Variants in TMEM266 observed in about 807,000 individuals in gnomAD.
TMEM266 encodes transmembrane protein 266.
A neutral mutation model predicts 50.5 loss-of-function variants in TMEM266; 33 were observed. That is an observed-to-expected ratio of 0.65 (90% CI 0.50 to 0.87). The LOEUF (loss-of-function observed/expected upper bound fraction) is 0.87, where lower values mean the gene tolerates loss of function less well. TMEM266 is among the 40% of genes least tolerant of loss of function. The pLI is 0.00. For missense variants in TMEM266, 655 were observed against 695.1 expected, an observed-to-expected ratio of 0.94 and a Z score of 0.65; for synonymous variants, 310 against 292.3, an observed-to-expected ratio of 1.06 and a Z score of -0.62.
intron 1 of TMEM266, among the ~76,000 whole-genome samples, chr15:76,086,634 T>C (rs571961134): frequency 6.6e-6 from 1 of 152,312 alleles, no homozygotes; most frequent in Non-Finnish European, 1.5e-5. Flanking sequence ...CTCTAGAGGT[T>C]TCCTATTGGT....
At chr15:76,174,810 C>A (rs2142063936) in intron 7 of TMEM266, 1 of 152,404 alleles carries the variant, frequency 6.6e-6, no homozygotes, top group Non-Finnish European at 1.5e-5. Context: ...GATTTAGCAT[C>A]ATGTGTTTGA....
At chr15:76,134,972 C>T (rs1192976743) in intron 2 of TMEM266, among the ~76,000 whole-genome samples, 2 of 152,220 alleles carry the variant, frequency 1.3e-5, no homozygotes, top group East Asian at 1.9e-4. Context: ...CTCTGCTCCA[C>T]GTCTCTCATC....
chr15:76,201,634 A>G (rs1218185093), intron 9 of TMEM266, among the ~76,000 whole-genome samples: 1 of 151,976 alleles, frequency 6.6e-6, no homozygotes, highest in East Asian at 1.9e-4. Flanking sequence ...CTGAGTACCT[A>G]CTGTGTGCAG....
chr15:76,084,596 T>TTG (rs2036744037), intron 1 of TMEM266, among the ~76,000 whole-genome samples: 1 of 147,826 alleles, frequency 6.8e-6, no homozygotes, highest in East Asian at 1.9e-4. Flanking sequence ...GGGTTTTTTT[T>TTG]GGTTTTTTTT....
chr15:76,182,764 G>A (rs1173267898), intron 8 of TMEM266, among the ~76,000 whole-genome samples: 1 of 152,188 alleles, frequency 6.6e-6, no homozygotes, highest in African/African-American at 2.4e-5. Flanking sequence ...AAGTTGGCAG[G>A]CTGGGTACTA....
At chr15:76,157,739 C>T (rs1255266355) in intron 4 of TMEM266, among the ~76,000 whole-genome samples, 1 of 152,206 alleles carries the variant, frequency 6.6e-6, no homozygotes, top group Non-Finnish European at 1.5e-5. Flanking sequence ...CCTGTAATCT[C>T]ATTTGGGGAG....
At chr15:76,135,313 C>T (rs986547426) in intron 2 of TMEM266, among the ~76,000 whole-genome samples, 1 of 152,176 alleles carries the variant, frequency 6.6e-6, no homozygotes, top group Non-Finnish European at 1.5e-5. Flanking sequence ...ACTGTGGGAC[C>T]TTCACCTCAC....
chr15:76,172,040 G>A (rs901795919), intron 7 of TMEM266, among the ~76,000 whole-genome samples: 1 of 152,154 alleles, frequency 6.6e-6, no homozygotes, highest in African/African-American at 2.4e-5. Context: ...AGGACAGGAC[G>A]AAGAGGCCCA....
chr15:76,168,831 AAGG>A lies in TMEM266; in HGVS notation c.457-981_457-979del, dbSNP rs2038139703. 6.6e-6 allele frequency among the ~76,000 whole-genome samples: 1 copy of A among 152,200 alleles called. No homozygotes were observed. Among genetic ancestry groups the A allele is most frequent in the Non-Finnish European group, 1.5e-5 (1 of 68,020 alleles). The stretch of plus-strand genomic sequence containing the variant: ...CCCAGAAACCATAGGAACACCCAGG[AAGG>A]AGGCACCAGCTGAGCCGGGGAGTGT... On this transcript the variant is annotated intron_variant, in intron 5 of 10. Coordinates refer to ENST00000388942, the MANE Select transcript of TMEM266 (RefSeq NM_152335.3). The surrounding 1 kb of genome is among the most constrained non-coding windows in gnomAD (Gnocchi z 4.4).
At chr15:76,106,164 G>A (rs1456271348) in intron 1 of TMEM266, among the ~76,000 whole-genome samples, 2 of 151,956 alleles carry the variant, frequency 1.3e-5, no homozygotes, top group East Asian at 3.9e-4. Flanking sequence ...CCCAGCCCCT[G>A]CAAAGAATAA....
At position 76,171,145 on chromosome 15, in the gene TMEM266, G is replaced by A. The variant is rs1229519440; in HGVS notation, c.652+14G>A. On this transcript the variant is annotated intron_variant, in intron 7 of 10. Transcript: ENST00000388942. The stretch of plus-strand genomic sequence containing the variant: ...GGGTCATTGATGGTGAGTGGCCCGA[G>A]GGGGGTGTGGTCAGTGGGGCTGCTC... The A allele has an allele frequency of 1.9e-6, 3 of 1,611,794 alleles. No homozygotes were observed. The highest frequency in any genetic ancestry group is 2.2e-5 in the East Asian group (1 of 44,798).
chr15:76,124,135 ATGT>A (rs1274260550), intron 1 of TMEM266, among the ~76,000 whole-genome samples: 5 of 152,354 alleles, frequency 3.3e-5, no homozygotes, highest in African/African-American at 4.8e-5. Context: ...ACATCAGGAA[ATGT>A]TGTCTGGAGA....
chr15:76,102,703 G>T (rs1459181616), intron 1 of TMEM266, among the ~76,000 whole-genome samples: 2 of 152,060 alleles, frequency 1.3e-5, no homozygotes, highest in Non-Finnish European at 2.9e-5. Context: ...GCCAGGCATG[G>T]TGGCATGTGC....
At chr15:76,180,493 G>A (rs764907746) in intron 8 of TMEM266, among the ~76,000 whole-genome samples, 4 of 151,884 alleles carry the variant, frequency 2.6e-5, no homozygotes, top group Non-Finnish European at 5.9e-5. Flanking sequence ...CTCACATCAA[G>A]AGGACACACT....
At chr15:76,183,103 C>CTTT (rs71140199) in intron 8 of TMEM266, among the ~76,000 whole-genome samples, 523 of 44,162 alleles carry the variant, frequency 0.012, 122 homozygotes, top group Middle Eastern at 0.036. Flanking sequence ...CATTTTGTGG[C>CTTT]TTTTTTTTTT....
intron 9 of TMEM266, among the ~76,000 whole-genome samples, chr15:76,197,405 CCT>C (rs2038671600): frequency 6.6e-6 from 1 of 152,232 alleles, no homozygotes; most frequent in South Asian, 2.1e-4. Context: ...GGATGCATGA[CCT>C]GTGTGGTCAC....
intron 1 of TMEM266, among the ~76,000 whole-genome samples, chr15:76,118,758 A>C (rs958149525): frequency 6.6e-6 from 1 of 152,172 alleles, no homozygotes; most frequent in Non-Finnish European, 1.5e-5. Flanking sequence ...GGAAGAAATG[A>C]TGTTGGTTAG....
At chr15:76,192,560 G>C (rs2038595867) in intron 9 of TMEM266, among the ~76,000 whole-genome samples, 1 of 152,152 alleles carries the variant, frequency 6.6e-6, no homozygotes, top group Non-Finnish European at 1.5e-5. Context: ...CTTCCAGACA[G>C]AGGTCTGGGG....
intron 5 of TMEM266, 110 bp from the exon 6 acceptor site, chr15:76,169,706 C>A: frequency 8.0e-7 from 1 of 1,243,792 alleles, no homozygotes; most frequent in Non-Finnish European, 1.2e-6. Flanking sequence ...ATGGCGGAGA[C>A]CTTTTCCTTT....
Sources: gnomAD v4.1 joint callset for allele counts (sites outside exome capture counted in the v4.1 genomes callset) on GRCh38, gnomAD v4.1.1 for gene constraint, Gnocchi (gnomAD v3.1) non-coding constraint, MANE v1.5 for transcripts, NCBI Gene and HGNC (gene_info 2026-07-23, HGNC 2026-07-21) for gene names.